Variants in OR6N1 observed in about 807,000 individuals in gnomAD.
OR6N1 encodes olfactory receptor family 6 subfamily N member 1.
For synonymous variants in OR6N1, 170 were observed against 150.7 expected, an observed-to-expected ratio of 1.13 and a Z score of -0.94; for missense variants, 394 against 371.7, an observed-to-expected ratio of 1.06 and a Z score of -0.49.
the OR6N1 span, among the ~76,000 whole-genome samples, chr1:158,795,579 T>A: frequency 6.6e-6 from 1 of 152,170 alleles, no homozygotes; most frequent in East Asian, 1.9e-4. Flanking sequence ...CTTCCCTCCA[T>A]CTCCAGTGGC....
At chr1:158,806,541 T>C in the OR6N1 span, among the ~76,000 whole-genome samples, 1 of 152,262 alleles carries the variant, frequency 6.6e-6, no homozygotes, top group Non-Finnish European at 1.5e-5. Flanking sequence ...ACACAGCAAA[T>C]AAATGATAGA....
the OR6N1 span, among the ~76,000 whole-genome samples, chr1:158,792,163 T>G: frequency 6.6e-6 from 1 of 152,138 alleles, no homozygotes; most frequent in Non-Finnish European, 1.5e-5. Context: ...TTCTTTGTAT[T>G]TTTTTTACTG....
At chr1:158,784,973 A>G in the OR6N1 span, among the ~76,000 whole-genome samples, 1 of 152,230 alleles carries the variant, frequency 6.6e-6, no homozygotes, top group African/African-American at 2.4e-5. Flanking sequence ...GCCATGATAT[A>G]GAATCAACCT....
the OR6N1 span, among the ~76,000 whole-genome samples, chr1:158,793,231 G>T: frequency 6.7e-6 from 1 of 150,106 alleles, no homozygotes; most frequent in African/African-American, 2.5e-5. Context: ...GTATCTCCTT[G>T]AGTAACTTAA....
At chr1:158,781,139 A>T in the OR6N1 span, 2 of 152,212 alleles carry the variant, frequency 1.3e-5, no homozygotes, top group Non-Finnish European at 2.9e-5. Context: ...TCCCTGATCA[A>T]TATAGTTAAT....
chr1:158,785,327 T>C, the OR6N1 span, among the ~76,000 whole-genome samples: 2 of 152,190 alleles, frequency 1.3e-5, no homozygotes, highest in Non-Finnish European at 2.9e-5. Context: ...ATCTTCCTTC[T>C]TATGTATTAA....
chr1:158,830,727 G>A, the OR6N1 span, among the ~76,000 whole-genome samples: 1 of 152,136 alleles, frequency 6.6e-6, no homozygotes, highest in East Asian at 1.9e-4. Flanking sequence ...CAAAAAGCAT[G>A]AGTAATCATG....
At chr1:158,806,073 G>A in the OR6N1 span, among the ~76,000 whole-genome samples, 2 of 152,098 alleles carry the variant, frequency 1.3e-5, no homozygotes, top group Non-Finnish European at 2.9e-5. Flanking sequence ...ATCTTCTAGT[G>A]CTGCCACCAC....
intron 1 of OR6N1, among the ~76,000 whole-genome samples, chr1:158,767,645 T>C (rs555845760): frequency 2.0e-5 from 3 of 152,304 alleles, no homozygotes; most frequent in Non-Finnish European, 4.4e-5. Context: ...ATTATACAGC[T>C]CTTTCATGGA....
At chr1:158,777,415 G>A in the OR6N1 span, 3 of 1,613,708 alleles carry the variant, frequency 1.9e-6, no homozygotes, top group Admixed American at 1.7e-5. Flanking sequence ...AGTGGTAGCT[G>A]TATACCACAA....
the OR6N1 span, among the ~76,000 whole-genome samples, chr1:158,832,982 C>A: frequency 6.6e-6 from 1 of 152,046 alleles, no homozygotes; most frequent in African/African-American, 2.4e-5. Context: ...CTTCTCCTTT[C>A]TTGTCAAGTT....
chr1:158,808,201 G>A, the OR6N1 span, among the ~76,000 whole-genome samples: 61 of 127,442 alleles, frequency 4.8e-4, no homozygotes, highest in African/African-American at 1.8e-3. Flanking sequence ...GCAGTGGTGC[G>A]ATCTCGACTC....
rs1440265916 is a variant in OR6N1 at position 158,765,952 on chromosome 1, T to C, written c.731A>G (p.His244Arg). The change falls in exon 2 of 2, where the codon CAC becomes CGC. Residue 244 changes from histidine (H) to arginine (R), a missense_variant. Transcript: ENST00000641846. ...ATAGAAGATGAGAACCACAGTGAAG[T>C]GGGAGGCACACGTGGAGATGGCCTT... The part of the protein sequence containing the change: ...KRKAISTCAS[H>R]FTVVLIFYGS... 2 of 1,613,980 alleles carry C rather than the reference T, an allele frequency of 1.2e-6. No homozygotes were observed. The highest frequency in any genetic ancestry group is 1.1e-5 in the South Asian group (1 of 91,082).
chr1:158,819,513 C>G, the OR6N1 span, among the ~76,000 whole-genome samples: 1 of 151,838 alleles, frequency 6.6e-6, no homozygotes, highest in South Asian at 2.1e-4. Flanking sequence ...ATTTTGATAC[C>G]AGGGTAAAAG....
At chr1:158,816,831 T>G in the OR6N1 span, among the ~76,000 whole-genome samples, 2 of 152,254 alleles carry the variant, frequency 1.3e-5, no homozygotes, top group African/African-American at 4.8e-5. Flanking sequence ...TCCTACTTTC[T>G]TTAAGAAGCG....
upstream of OR6N1, among the ~76,000 whole-genome samples, chr1:158,772,400 C>T (rs1657443914): frequency 6.6e-6 from 1 of 152,180 alleles, no homozygotes; most frequent in South Asian, 2.1e-4. Flanking sequence ...ACAACAATAA[C>T]TACCAGTCCA....
chr1:158,806,548 T>C, the OR6N1 span, among the ~76,000 whole-genome samples: 1 of 152,186 alleles, frequency 6.6e-6, no homozygotes, highest in African/African-American at 2.4e-5. Context: ...AAATAAATGA[T>C]AGAATTGACT....
chr1:158,777,781 A>G, the OR6N1 span: 1 of 595,210 alleles, frequency 1.7e-6, no homozygotes, highest in East Asian at 2.8e-5. Context: ...TATTACTATT[A>G]CTGTAAAAAT....
chr1:158,823,710 T>C, the OR6N1 span, among the ~76,000 whole-genome samples: 25 of 152,152 alleles, frequency 1.6e-4, no homozygotes, highest in African/African-American at 5.1e-4. Context: ...ATCAGTTTCC[T>C]TTAATCCAGC....
Sources: gnomAD v4.1 joint callset for allele counts (sites outside exome capture counted in the v4.1 genomes callset) on GRCh38, gnomAD v4.1.1 for gene constraint, MANE v1.5 for transcripts, NCBI Gene and HGNC (gene_info 2026-07-23, HGNC 2026-07-21) for gene names.